PCDHGA3: variants seen among roughly 807,000 people sequenced by gnomAD.
PCDHGA3 encodes protocadherin gamma subfamily A, 3, also known as protocadherin gamma-A3.
In PCDHGA3, 40 loss-of-function variants were observed where a neutral mutation model predicts 58.5. The observed-to-expected ratio is 0.68, with a 90% confidence interval of 0.53 to 0.89. PCDHGA3 has a LOEUF of 0.89. PCDHGA3 is among the 40% of genes least tolerant of loss of function. The probability of loss-of-function intolerance (pLI) is 0.00; values close to 1 mark genes in which losing one functional copy is unlikely to be tolerated. For missense variants in PCDHGA3, 1,223 were observed against 1,195.9 expected (o/e 1.02, Z -0.33); for synonymous variants, 530 against 525.7 (o/e 1.01, Z -0.11).
intron 1 of PCDHGA3, chr5:141,398,164 AG>A (rs970849138): frequency 6.8e-7 from 1 of 1,481,390 alleles, no homozygotes; most frequent in African/African-American, 1.4e-5. Context: ...CCGGGCTGAG[AG>A]GCTGCCAGTG....
chr5:141,428,307 C>A, intron 1 of PCDHGA3: 1 of 688,030 alleles, frequency 1.5e-6, no homozygotes, highest in South Asian at 1.6e-5. Flanking sequence ...TTTACCTGGT[C>A]GTGGCCTTGG....
In PCDHGA3 at chr5:141,385,248, G is replaced by T; in HGVS notation, c.2424+38791G>T. 6.2e-7 allele frequency: 1 copy of T among 1,613,854 alleles called. No individual in the cohort carries two copies. The highest frequency in any genetic ancestry group is 8.5e-7 in the Non-Finnish European group (1 of 1,179,720). The stretch of plus-strand genomic sequence containing the variant: ...ATGTAGACATGCTCATCAGCCAGGA[G>T]AGCTGTGAGAAAAATGATTCTTTGC... On this transcript the variant is annotated intron_variant, in intron 1 of 3. Coordinates refer to ENST00000253812, the MANE Select transcript of PCDHGA3 (RefSeq NM_018916.4).
intron 1 of PCDHGA3, chr5:141,417,651 A>C: frequency 1.2e-6 from 1 of 822,038 alleles, no homozygotes; most frequent in African/African-American, 1.7e-5. Context: ...CTCAGCCTCT[A>C]GCCTGGGATT....
At position 141,379,889 on chromosome 5, in the gene PCDHGA3, C is replaced by CTTTTTTTTTTTTTTTTTT. The variant is rs70988800; in HGVS notation, c.2424+33445_2424+33462dup. On this transcript the variant is annotated intron_variant, in intron 1 of 3. Coordinates refer to ENST00000253812, the MANE Select transcript of PCDHGA3 (RefSeq NM_018916.4). ...CTTATTTTATGGTCTGTGAAAGCCT[C>CTTTTTTTTTTTTTTTTTT]TTTTTTTTTTTTTTTTTTTTTTTTT... is the stretch of plus-strand genomic sequence containing the variant. Among the ~76,000 whole-genome samples the CTTTTTTTTTTTTTTTTTT allele has an allele frequency of 4.1e-3, 211 of 50,852 alleles. 27 individuals are homozygous for CTTTTTTTTTTTTTTTTTT. The highest frequency in any genetic ancestry group is 6.1e-3 in the Non-Finnish European group (157 of 25,898). 33.4% of individuals were successfully genotyped at this position (50,852 alleles called of 152,430 possible). A position where few individuals can be genotyped will look rare whatever the true frequency, so the allele number is the denominator to read the frequency against.
intron 1 of PCDHGA3, chr5:141,478,305 C>T (rs775282798): frequency 2.5e-6 from 4 of 1,614,092 alleles, no homozygotes; most frequent in East Asian, 2.2e-5. Flanking sequence ...TACCGAGCCC[C>T]GGTGAGCTCA....
At chr5:141,376,270 A>G (rs776888332) in intron 1 of PCDHGA3, 1 of 1,614,118 alleles carries the variant, frequency 6.2e-7, no homozygotes, top group African/African-American at 1.3e-5. Flanking sequence ...AGGCTTCGGG[A>G]GGTGGCTTAG....
intron 1 of PCDHGA3, chr5:141,366,265 C>G (rs756734800): frequency 6.2e-7 from 1 of 1,613,566 alleles, no homozygotes; most frequent in Non-Finnish European, 8.5e-7. Context: ...TCGTGGTGGC[C>G]GTCGAAGACC....
chr5:141,450,110 G>C (rs2098669636), intron 1 of PCDHGA3, among the ~76,000 whole-genome samples: 1 of 147,716 alleles, frequency 6.8e-6, no homozygotes. Context: ...AGGTTCAAAT[G>C]ATTCTCCTGC....
Position 141,415,037 on chromosome 5 carries a change from T to G in PCDHGA3, c.2424+68580T>G, listed in dbSNP as rs775779136. The G allele has an allele frequency of 5.0e-6, 8 of 1,613,384 alleles. No homozygotes were observed. In the Admixed American group the frequency reaches 8.3e-5, roughly 17 times the overall value. ...CTCAAGGCCAGCGAGCCGGGACTCT[T>G]CGCGGTGGGGGAGCACACGGGCGAG... is the stretch of plus-strand genomic sequence containing the variant. On this transcript the variant is annotated intron_variant, in intron 1 of 3. Coordinates refer to ENST00000253812, the MANE Select transcript of PCDHGA3 (RefSeq NM_018916.4).
intron 1 of PCDHGA3, chr5:141,423,757 G>T (rs562479446): frequency 7.3e-5 from 29 of 395,130 alleles, no homozygotes; most frequent in Non-Finnish European, 9.5e-5. Flanking sequence ...GTTTGGGGGG[G>T]GGGTGGGGCG....
At chr5:141,351,827 G>A (rs191017713) in intron 1 of PCDHGA3, 5 of 1,613,080 alleles carry the variant, frequency 3.1e-6, no homozygotes, top group Non-Finnish European at 4.2e-6. Flanking sequence ...GCAGCTGCGC[G>A]CCTTCGAGCT....
At chr5:141,347,137 CTCTTTCTT>C (rs70988799) in intron 1 of PCDHGA3, among the ~76,000 whole-genome samples, 12,178 of 113,746 alleles carry the variant, frequency 0.11, 848 homozygotes, top group Non-Finnish European at 0.15. Context: ...CTCTGTTTCT[CTCTTTCTT>C]TCTTTCTTTC....
Position 141,491,686 on chromosome 5 carries a change from C to A in PCDHGA3, c.2425-3121C>A. The A allele has an allele frequency of 6.2e-7, 1 of 1,612,970 alleles. No homozygotes were observed. The highest frequency in any genetic ancestry group is 8.5e-7 in the Non-Finnish European group (1 of 1,179,558). Reference sequence around the variant, plus strand: ...CATCCGGTCCCGCTCTAATACGCTGCGGGAGCGGAGCCAGGTGAGGGGCTC... The same window carrying A: ...CATCCGGTCCCGCTCTAATACGCTGAGGGAGCGGAGCCAGGTGAGGGGCTC... On this transcript the variant is annotated intron_variant, in intron 1 of 3. Coordinates refer to ENST00000253812, the MANE Select transcript of PCDHGA3 (RefSeq NM_018916.4). The surrounding 1 kb of genome is among the most constrained non-coding windows in gnomAD (Gnocchi z 6.9).
intron 1 of PCDHGA3, among the ~76,000 whole-genome samples, chr5:141,458,351 T>A (rs903399511): frequency 2.0e-5 from 3 of 152,010 alleles, no homozygotes; most frequent in African/African-American, 7.3e-5. Flanking sequence ...GAGAGTTTAA[T>A]AAGCAAGAAG....
chr5:141,358,113 C>A (rs1434059744), intron 1 of PCDHGA3, among the ~76,000 whole-genome samples: 1 of 152,208 alleles, frequency 6.6e-6, no homozygotes, highest in African/African-American at 2.4e-5. Flanking sequence ...TTGCTTGAAC[C>A]TGGGAGGCAG....
intron 1 of PCDHGA3, chr5:141,419,981 AT>A (rs1205154474): frequency 1.2e-6 from 2 of 1,614,052 alleles, no homozygotes; most frequent in Admixed American, 3.3e-5. Flanking sequence ...CCTCGCGGTG[AT>A]TCTAGCTATT....
rs1461617825 is a variant in PCDHGA3, at chr5:141,431,902, G to A, written c.2425-62905G>A. On this transcript the variant is annotated intron_variant, in intron 1 of 3. Coordinates refer to ENST00000253812, the MANE Select transcript of PCDHGA3 (RefSeq NM_018916.4). This position sits in a 1 kb window ranked among gnomAD's most constrained non-coding sequence, Gnocchi z 4.8. ...ACCAAGATTCTGAGGAAAACGGACA[G>A]GTGATCTGTTTCATCCAAGGAAATC... 1.2e-6 allele frequency: 2 copies of A among 1,613,764 alleles called. No homozygotes were observed. The highest frequency in any genetic ancestry group is 1.3e-5 in the African/African-American group (1 of 74,918).
chr5:141,452,133 A>C (rs2098734490), intron 1 of PCDHGA3, among the ~76,000 whole-genome samples: 1 of 152,136 alleles, frequency 6.6e-6, no homozygotes, highest in Admixed American at 6.5e-5. Flanking sequence ...TATATGGCTC[A>C]TGTGTTTTTT....
chr5:141,440,667 T>C (rs1330266877), intron 1 of PCDHGA3: 1 of 152,218 alleles, frequency 6.6e-6, no homozygotes, highest in East Asian at 1.9e-4. Context: ...GCAGCAACTC[T>C]ATATTTCTCT....
Sources: allele counts gnomAD v4.1 joint callset (sites outside exome capture counted in the v4.1 genomes callset), GRCh38; gene constraint gnomAD v4.1.1; non-coding constraint Gnocchi (gnomAD v3.1); transcripts MANE v1.5; gene names NCBI Gene and HGNC (gene_info 2026-07-23, HGNC 2026-07-21).